GRID2: variants seen among roughly 807,000 people sequenced by gnomAD.
GRID2 encodes glutamate receptor ionotropic, delta-2.
A neutral mutation model predicts 114.8 loss-of-function variants in GRID2; 33 were observed. The ratio of observed to expected loss-of-function variants is 0.29; its 90% CI spans 0.22 to 0.38. The LOEUF is 0.38. Among genes scored for constraint, GRID2 ranks in the 10% least tolerant of loss-of-function variants. The pLI, the probability that GRID2 is intolerant of heterozygous loss-of-function variation, is 1.00. For synonymous variants in GRID2, 505 were observed against 449.9 expected (o/e 1.12, Z -1.55); for missense variants, 1,184 against 1,257.7 (o/e 0.94, Z 0.89).
intron 14 of GRID2, among the ~76,000 whole-genome samples, chr4:93,747,836 A>G (rs1731979886): frequency 6.6e-6 from 1 of 152,074 alleles, no homozygotes; most frequent in Admixed American, 6.6e-5. Flanking sequence ...AATTTATTAA[A>G]TACTACCTGT....
At position 93,407,932 on chromosome 4, in the gene GRID2, A is replaced by G. The variant is rs535038588; in HGVS notation, c.1347+12224A>G. On this transcript the variant is annotated intron_variant, in intron 9 of 15. Coordinates refer to ENST00000282020, the MANE Select transcript of GRID2 (RefSeq NM_001510.4). Reference sequence around the variant, plus strand: ...GTATGATTTTTGAATTGGGAAAACAAAATATTCAGACTAAATATTTTCCCA... The same window carrying G: ...GTATGATTTTTGAATTGGGAAAACAGAATATTCAGACTAAATATTTTCCCA... Among the ~76,000 whole-genome samples the G allele has an allele frequency of 3.3e-4, 50 of 152,136 alleles. 1 individual carries two copies. In the South Asian group the frequency reaches 7.3e-3, roughly 22 times the overall value.
At chr4:93,234,865 G>A (rs1443031159) in intron 7 of GRID2, among the ~76,000 whole-genome samples, 1 of 151,854 alleles carries the variant, frequency 6.6e-6, no homozygotes, top group Non-Finnish European at 1.5e-5. Flanking sequence ...ATTATCCTTG[G>A]TTACCACACA....
At chr4:92,576,418 G>A (rs561583768) in intron 1 of GRID2, among the ~76,000 whole-genome samples, 345 of 152,316 alleles carry the variant, frequency 2.3e-3, no homozygotes, top group Non-Finnish European at 4.1e-3. Context: ...GCTGGTGGCT[G>A]CTCTGGATTC....
At chr4:92,842,871 A>G (rs1032811782) in intron 2 of GRID2, among the ~76,000 whole-genome samples, 3 of 152,124 alleles carry the variant, frequency 2.0e-5, no homozygotes, top group African/African-American at 7.2e-5. Flanking sequence ...AGGTGTGGTA[A>G]GAAATGTGGT....
chr4:92,873,845 G>A (rs1439452303), intron 2 of GRID2, among the ~76,000 whole-genome samples: 1 of 152,060 alleles, frequency 6.6e-6, no homozygotes, highest in East Asian at 1.9e-4. Flanking sequence ...TACCCGAGTA[G>A]CTGAGATTAC....
At chr4:92,317,913 A>G (rs1726082221) in intron 1 of GRID2, among the ~76,000 whole-genome samples, 1 of 152,160 alleles carries the variant, frequency 6.6e-6, no homozygotes, top group African/African-American at 2.4e-5. Context: ...CTTGCATCAT[A>G]TTTATGGTGA....
At chr4:92,789,554 A>G (rs1739478729) in intron 2 of GRID2, among the ~76,000 whole-genome samples, 1 of 151,770 alleles carries the variant, frequency 6.6e-6, no homozygotes, top group African/African-American at 2.4e-5. Flanking sequence ...TTTCGGATCT[A>G]TTGTACTGTT....
intron 2 of GRID2, among the ~76,000 whole-genome samples, chr4:92,718,154 A>G (rs17019821): frequency 0.021 from 3,208 of 152,192 alleles, 102 homozygotes; most frequent in African/African-American, 0.073. Flanking sequence ...ATACAATCTC[A>G]TAAGGAAAAA....
chr4:92,393,002 C>A (rs1437862956), intron 1 of GRID2, among the ~76,000 whole-genome samples: 1 of 152,116 alleles, frequency 6.6e-6, no homozygotes, highest in East Asian at 1.9e-4. Context: ...ACAGGCTATA[C>A]AGGAAGCATG....
At chr4:93,544,547 G>T (rs1404196215) in intron 13 of GRID2, among the ~76,000 whole-genome samples, 2 of 152,004 alleles carry the variant, frequency 1.3e-5, no homozygotes, top group African/African-American at 2.4e-5. Flanking sequence ...AGAGGCCAAG[G>T]CAGGTGGATC....
chr4:92,458,543 A>T (rs923796423), intron 1 of GRID2, among the ~76,000 whole-genome samples: 1 of 152,118 alleles, frequency 6.6e-6, no homozygotes, highest in Non-Finnish European at 1.5e-5. Context: ...TTTGTTTTGT[A>T]TTCTGTTTCA....
At chr4:92,580,736 A>G (rs573799771) in intron 1 of GRID2, among the ~76,000 whole-genome samples, 145 of 151,536 alleles carry the variant, frequency 9.6e-4, no homozygotes, top group African/African-American at 3.4e-3. Flanking sequence ...CAATTCTCAC[A>G]TTTTTTTTGT....
intron 14 of GRID2, among the ~76,000 whole-genome samples, chr4:93,740,867 AT>A (rs397962079): frequency 1.8e-3 from 250 of 138,114 alleles, no homozygotes; most frequent in Non-Finnish European, 2.0e-3. Flanking sequence ...TGGTTCTACT[AT>A]TTTTTTTTTT....
chr4:93,033,194 A>G (rs1724597338), intron 2 of GRID2, among the ~76,000 whole-genome samples: 1 of 152,124 alleles, frequency 6.6e-6, no homozygotes, highest in Non-Finnish European at 1.5e-5. Flanking sequence ...GACCACCCTC[A>G]CTTCTGACAC....
At chr4:93,283,723 T>C (rs1439593663) in intron 8 of GRID2, among the ~76,000 whole-genome samples, 2 of 152,060 alleles carry the variant, frequency 1.3e-5, no homozygotes. Flanking sequence ...TATTGCCTAC[T>C]TTTTCAAAAT....
At chr4:92,700,437 C>T (rs992282369) in intron 2 of GRID2, among the ~76,000 whole-genome samples, 1 of 152,146 alleles carries the variant, frequency 6.6e-6, no homozygotes, top group Non-Finnish European at 1.5e-5. Flanking sequence ...GTACAATGGA[C>T]ACAAGAGATT....
At chr4:93,075,883 C>CTTTTTTTTTTTTTTTT (rs10706922) in intron 2 of GRID2, among the ~76,000 whole-genome samples, 2 of 76,606 alleles carry the variant, frequency 2.6e-5, no homozygotes, top group African/African-American at 5.3e-5. Flanking sequence ...AGTTACCTCT[C>CTTTTTTTTTTTTTTTT]TTTTTTTTTT....
chr4:93,355,902 A>G (rs1560533247), intron 8 of GRID2, among the ~76,000 whole-genome samples: 1 of 152,060 alleles, frequency 6.6e-6, no homozygotes, highest in Non-Finnish European at 1.5e-5. Context: ...GAGAACAGCA[A>G]AAGAATGTAA....
intron 1 of GRID2, among the ~76,000 whole-genome samples, chr4:92,538,290 A>G (rs928952369): frequency 2.6e-5 from 4 of 152,210 alleles, no homozygotes; most frequent in Non-Finnish European, 5.9e-5. Context: ...TCTTTTCAAG[A>G]TTAAAATAGT....
Sources: gnomAD v4.1 joint callset for allele counts (sites outside exome capture counted in the v4.1 genomes callset) on GRCh38, gnomAD v4.1.1 for gene constraint, MANE v1.5 for transcripts, NCBI Gene and HGNC (gene_info 2026-07-23, HGNC 2026-07-21) for gene names.